Variants in CCNB3 observed in about 807,000 individuals in gnomAD.
CCNB3 encodes cyclin B3.
A neutral mutation model predicts 68.0 loss-of-function variants in CCNB3; 12 were observed. That is an observed-to-expected ratio of 0.18 (90% CI 0.11 to 0.29). CCNB3 has a LOEUF of 0.29. CCNB3 is among the 10% of genes least tolerant of loss of function. The probability of loss-of-function intolerance (pLI) is 1.00; values close to 1 mark genes in which losing one functional copy is unlikely to be tolerated. For synonymous variants in CCNB3, 354 were observed against 388.9 expected (o/e 0.91, Z 1.06); for missense variants, 904 against 993.1 (o/e 0.91, Z 1.21).
chrX:50,291,557 C>T (rs1936348017), intron 4 of CCNB3, among the ~76,000 whole-genome samples: 2 of 111,728 alleles, frequency 1.8e-5, no homozygotes, highest in Admixed American at 1.9e-4. Flanking sequence ...AGCCACCACA[C>T]CAAACCTTCA....
At chrX:50,351,466 G>A in intron 12 of CCNB3, 95 bp downstream of exon 12, 1 of 1,106,357 alleles carries the variant, frequency 9.0e-7, no homozygotes, top group Admixed American at 2.3e-5. Context: ...AAGAGAAAAA[G>A]ATTCAGGCAC....
intron 5 of CCNB3, among the ~76,000 whole-genome samples, chrX:50,295,923 G>C (rs782564207): frequency 2.7e-4 from 30 of 110,876 alleles, no homozygotes; most frequent in African/African-American, 7.2e-4. Context: ...AAAAAGACTG[G>C]GTAACTCTAG....
At chrX:50,209,066 G>C (rs1182124515) in intron 1 of CCNB3, among the ~76,000 whole-genome samples, 3 of 111,043 alleles carry the variant, frequency 2.7e-5, no homozygotes, top group African/African-American at 9.8e-5. Context: ...TGTCAGTAGG[G>C]TCTGTAGTGG....
intron 5 of CCNB3, among the ~76,000 whole-genome samples, chrX:50,306,479 C>T (rs782431887): frequency 1.8e-5 from 2 of 111,743 alleles, no homozygotes; most frequent in African/African-American, 6.5e-5. Flanking sequence ...TGCCTACTTG[C>T]CCTAGCTACA....
chrX:50,342,021 C>T, intron 8 of CCNB3, 181 bp from the exon 9 acceptor site: 1 of 451,254 alleles, frequency 2.2e-6, no homozygotes, highest in Non-Finnish European at 3.8e-6. Context: ...ATGCCAGTGT[C>T]CTCAAAGGCA....
chrX:50,223,428 G>A, intron 1 of CCNB3, among the ~76,000 whole-genome samples: 1 of 111,712 alleles, frequency 9.0e-6, no homozygotes, highest in Non-Finnish European at 1.9e-5. Context: ...TGATGTTGGT[G>A]ACCTTCGGAT....
chrX:50,226,293 AAT>A (rs1205536876), intron 1 of CCNB3, among the ~76,000 whole-genome samples: 6 of 60,455 alleles, frequency 9.9e-5, no homozygotes, highest in Admixed American at 2.8e-4. Flanking sequence ...ATATATATAG[AAT>A]ATATATATAG....
chrX:50,310,754 T>C lies in CCNB3; in HGVS notation c.2585T>C (p.Leu862Ser). 1 of 1,211,436 alleles carries C rather than the reference T, an allele frequency of 8.3e-7. No homozygotes were observed. The highest frequency in any genetic ancestry group is 3.0e-5 in the East Asian group (1 of 33,813). Reference sequence around the variant, plus strand: ...GCTCACTTTAAGGAAACTTTGGCCTTGCAGGAGAAGCCCAGCATTGAGCAG... The same window carrying C: ...GCTCACTTTAAGGAAACTTTGGCCTCGCAGGAGAAGCCCAGCATTGAGCAG... ...TEAHFKETLA[L>S]QEKPSIEQEA... Residue 862 changes from leucine (L) to serine (S), a missense_variant, in exon 6 of 13, where the codon TTG becomes TCG. Leu to Ser is a moderately radical substitution (Grantham distance 145). Transcript: ENST00000376042.
chrX:50,322,161 A>T (rs1922052572), intron 8 of CCNB3, among the ~76,000 whole-genome samples: 1 of 107,400 alleles, frequency 9.3e-6, no homozygotes, highest in Admixed American at 1.0e-4. Flanking sequence ...ATGCTACCTG[A>T]CTTCAGACTA....
In CCNB3 at chrX:50,311,197, G is replaced by A. The variant is rs868979733; in HGVS notation, c.3028G>A (p.Glu1010Lys). The A allele has an allele frequency of 8.3e-6, 10 of 1,205,532 alleles. No homozygotes were observed. The highest frequency in any genetic ancestry group is 5.4e-5 in the African/African-American group (3 of 55,682). ...TACCATCAATGAGGCATTCCTCTTC[G>A]AAGATATGATAACTCTGAATGAGAA... ...SGTINEAFLF[E>K]DMITLNEKPT... Residue 1010 changes from glutamate to lysine, a missense_variant, in exon 6 of 13, where the codon GAA (glutamate) becomes AAA (lysine). Physicochemically the swap from Glu to Lys is moderately conservative, Grantham distance 56. Around this residue, in one of 2 missense-constraint regions of CCNB3, gnomAD observed 285 missense variants for 383.4 expected, o/e 0.74. Transcript: ENST00000376042.
At chrX:50,295,791 C>T (rs1557210808) in intron 5 of CCNB3, among the ~76,000 whole-genome samples, 2 of 111,443 alleles carry the variant, frequency 1.8e-5, no homozygotes, top group Admixed American at 9.6e-5. Flanking sequence ...ATTTAGCCAA[C>T]ACATACCAGT....
At chrX:50,347,130 C>T (rs373651925) in intron 10 of CCNB3, among the ~76,000 whole-genome samples, 11 of 111,328 alleles carry the variant, frequency 9.9e-5, no homozygotes, top group South Asian at 3.8e-4. Flanking sequence ...TCATTCTTTG[C>T]CTGAGTATTG....
rs1557214099 is a variant in CCNB3, at chrX:50,309,188, A to G, written c.1019A>G (p.Glu340Gly). ...GTATTGCAAGAGAAACACACCACTG[A>G]GCATGAGATGTCCATCTTGAAGAAA... ...LSVLQEKHTTEHEMSILKKSL... is the reference protein window; with the variant it reads ...LSVLQEKHTTGHEMSILKKSL... The change falls in exon 6 of 13, where the codon GAG (glutamate) becomes GGG (glycine). Residue 340 changes from glutamate to glycine, a missense_variant. Glu to Gly is a moderately conservative substitution (Grantham distance 98). Around this residue, in one of 2 missense-constraint regions of CCNB3, gnomAD observed 619 missense variants for 609.8 expected, o/e 1.02. Transcript: ENST00000376042. 1.7e-6 allele frequency: 2 copies of G among 1,210,340 alleles called. No individual in the cohort carries two copies. Among genetic ancestry groups the G allele is most frequent in the Admixed American group, 4.3e-5 (2 of 45,992 alleles).
chrX:50,215,130 C>T (rs1320269327), intron 1 of CCNB3, among the ~76,000 whole-genome samples: 1 of 110,208 alleles, frequency 9.1e-6, no homozygotes, highest in East Asian at 2.8e-4. Flanking sequence ...GCTGGGACTA[C>T]AGGCGCCTGC....
At chrX:50,227,303 A>G (rs1328033309) in intron 1 of CCNB3, among the ~76,000 whole-genome samples, 2 of 86,077 alleles carry the variant, frequency 2.3e-5, no homozygotes, top group Non-Finnish European at 4.3e-5. Flanking sequence ...CAGAATATAT[A>G]TAAATATACA....
At position 50,300,775 on chromosome X, in the gene CCNB3, T is replaced by G. The variant is rs990290820; in HGVS notation, c.335+5782T>G. On this transcript the variant is annotated intron_variant, in intron 5 of 12. Transcript: ENST00000376042. ...CCCTGTCACTTTCAGGTACAGCAAT[T>G]AGGCGTAGATTTGGTCTTTTCACAT... Among the ~76,000 whole-genome samples, 4 of 111,913 alleles carry G rather than the reference T, an allele frequency of 3.6e-5. No individual in the cohort carries two copies. The Admixed American group carries it at 3.8e-4, about 11-fold the overall frequency.
intron 1 of CCNB3, among the ~76,000 whole-genome samples, chrX:50,227,472 AATAT>A (rs1353967479): frequency 5.7e-5 from 5 of 87,592 alleles, no homozygotes; most frequent in African/African-American, 2.1e-4. Flanking sequence ...TATATATCTA[AATAT>A]ATATAGACAG....
intron 1 of CCNB3, among the ~76,000 whole-genome samples, chrX:50,209,602 C>T (rs1239155146): frequency 1.5e-3 from 165 of 111,986 alleles, no homozygotes; most frequent in African/African-American, 4.4e-3. Flanking sequence ...GTGATCCACC[C>T]GCCTTGGTCT....
chrX:50,342,611 C>T (rs782240450), intron 9 of CCNB3, among the ~76,000 whole-genome samples: 2 of 110,949 alleles, frequency 1.8e-5, no homozygotes, highest in African/African-American at 6.6e-5. Flanking sequence ...CACTGCAAGT[C>T]ATAAAAGTAT....
Sources: gnomAD v4.1 joint callset for allele counts (sites outside exome capture counted in the v4.1 genomes callset) on GRCh38, gnomAD v4.1.1 for gene constraint, gnomAD v4.1.1 regional missense constraint, MANE v1.5 for transcripts, NCBI Gene and HGNC (gene_info 2026-07-23, HGNC 2026-07-21) for gene names.